ST3GAL2: variants seen among roughly 807,000 people sequenced by gnomAD.
The protein encoded by ST3GAL2 is ST3 beta-galactoside alpha-2,3-sialyltransferase 2, also known as CMP-N-acetylneuraminate-beta-galactosamide-alpha-2,3-sialyltransferase 2.
ST3GAL2 carries 16 observed loss-of-function variants against 37.5 expected under a neutral mutation model. The observed-to-expected ratio is 0.43, with a 90% CI of 0.29 to 0.65. ST3GAL2 has a LOEUF of 0.65. Ranked by LOEUF, ST3GAL2 falls within the 30% of genes least tolerant of loss-of-function variation. ST3GAL2 has a pLI of 0.17. For missense variants in ST3GAL2, 383 were observed against 487.8 expected (o/e 0.79, Z 2.02); for synonymous variants, 238 against 202.9 (o/e 1.17, Z -1.47).
chr16:70,419,899 A>G (rs930098302), intron 1 of ST3GAL2, among the ~76,000 whole-genome samples: 2 of 151,998 alleles, frequency 1.3e-5, no homozygotes, highest in South Asian at 4.1e-4. Flanking sequence ...AGGCAATATG[A>G]TGACAGCAAC....
In ST3GAL2 at chr16:70,398,535, C is replaced by T. The variant is rs373101250; in HGVS notation, c.-5G>A. On this transcript the variant is annotated 5_prime_UTR_variant, in exon 2 of 7. Transcript: ENST00000342907. ...CACCCGCAGGGAGCACTTCATGGTG[C>T]CGGCAGGCGGGTGACGGTCACCGTG... The T allele has an allele frequency of 1.0e-5, 16 of 1,588,068 alleles. No individual in the cohort carries two copies. The African/African-American group carries it at 1.9e-4, about 19-fold the overall frequency.
In ST3GAL2 at chr16:70,395,227, G is replaced by C. The variant is rs767976589; in HGVS notation, c.340-52C>G. On this transcript the variant is annotated intron_variant, in intron 2 of 6. Coordinates refer to ENST00000342907, the MANE Select transcript of ST3GAL2 (RefSeq NM_006927.4). ...ACGAGGAAGGGGAGAGGTGTGTGAA[G>C]AAGGAGGGGCCCCGGCCTCCCCTCC... The C allele has an allele frequency of 4.5e-6, 7 of 1,542,730 alleles. No individual in the cohort carries two copies. The South Asian group carries it at 8.5e-5, about 19-fold the overall frequency.
At chr16:70,400,621 G>C (rs972264985) in intron 1 of ST3GAL2, 1 of 152,326 alleles carries the variant, frequency 6.6e-6, no homozygotes, top group African/African-American at 2.4e-5. Flanking sequence ...AGCCAGCAGG[G>C]AATGGAACGA....
chr16:70,427,492 C>T lies in ST3GAL2; in HGVS notation c.-1004+11457G>A, dbSNP rs553924716. Among the ~76,000 whole-genome samples the T allele has an allele frequency of 2.4e-4, 36 of 152,230 alleles. No individual in the cohort carries two copies. The South Asian group carries it at 5.4e-3, about 23-fold the overall frequency. ...TAGCTGGGACTACAGGCCCCCGCCA[C>T]CATGCCTGGCTAATTTTTGTATTTT... On this transcript the variant is annotated intron_variant, in intron 1 of 6. Coordinates refer to ENST00000342907, the MANE Select transcript of ST3GAL2 (RefSeq NM_006927.4).
intron 3 of ST3GAL2, 51 bp from the exon 4 acceptor site, chr16:70,388,597 C>CA: frequency 6.6e-7 from 1 of 1,524,322 alleles, no homozygotes; most frequent in Non-Finnish European, 8.8e-7. Context: ...GAAACTGATA[C>CA]AAGATTCTTA....
chr16:70,433,613 T>A (rs2047805472), intron 1 of ST3GAL2, among the ~76,000 whole-genome samples: 1 of 152,006 alleles, frequency 6.6e-6, no homozygotes, highest in African/African-American at 2.4e-5. Flanking sequence ...CAAGCAGTGA[T>A]GACAAAATGA....
At chr16:70,438,758 G>A (rs1015675034) in intron 1 of ST3GAL2, among the ~76,000 whole-genome samples, 191 bp downstream of exon 1, 3 of 152,062 alleles carry the variant, frequency 2.0e-5, no homozygotes, top group Non-Finnish European at 4.4e-5. Flanking sequence ...GCGGGGATCC[G>A]GAATGAGGCC....
chr16:70,427,392 G>A (rs1011822353), intron 1 of ST3GAL2, among the ~76,000 whole-genome samples: 9 of 148,158 alleles, frequency 6.1e-5, no homozygotes, highest in African/African-American at 2.3e-4. Context: ...AGGCTGGAGT[G>A]CAGTGGTGCG....
intron 4 of ST3GAL2, among the ~76,000 whole-genome samples, chr16:70,385,219 C>T (rs1260499986): frequency 6.6e-6 from 1 of 152,098 alleles, no homozygotes; most frequent in Non-Finnish European, 1.5e-5. Context: ...GCAGGAGAAT[C>T]GCTTGAACCC....
Position 70,377,026 on chromosome 16 carries a change from C to G in ST3GAL2, c.*4663G>C, listed in dbSNP as rs2047352696. 1 of 151,748 alleles carries G rather than the reference C, an allele frequency of 6.6e-6. No individual in the cohort carries two copies. Among genetic ancestry groups the G allele is most frequent in the Admixed American group, 6.6e-5 (1 of 15,186 alleles). The allele number at this position is 151,748 out of a possible 1,614,324, so 9.4% of individuals were successfully genotyped here. ...AAAATGCTGGGATTATAGGCATGAG[C>G]CACCGTGCCTGGCCATAAAATGTTT... On this transcript the variant is annotated 3_prime_UTR_variant, in exon 7 of 7. Coordinates refer to ENST00000342907, the MANE Select transcript of ST3GAL2 (RefSeq NM_006927.4).
At chr16:70,423,842 G>A (rs1441941006) in intron 1 of ST3GAL2, among the ~76,000 whole-genome samples, 2 of 151,510 alleles carry the variant, frequency 1.3e-5, no homozygotes, top group African/African-American at 4.8e-5. Context: ...AGGCTGAGGC[G>A]GGCAGATCAC....
intron 1 of ST3GAL2, among the ~76,000 whole-genome samples, chr16:70,427,409 G>A (rs1398382280): frequency 2.0e-5 from 3 of 150,554 alleles, no homozygotes; most frequent in Non-Finnish European, 3.0e-5. Context: ...TGCGATCTCG[G>A]CTCACTGCAA....
chr16:70,424,333 G>C (rs113894107), intron 1 of ST3GAL2, among the ~76,000 whole-genome samples: 2 of 149,128 alleles, frequency 1.3e-5, no homozygotes, highest in African/African-American at 4.9e-5. Flanking sequence ...TGGGCACAAT[G>C]GCTAATGCCT....
At chr16:70,431,859 G>T (rs960002303) in intron 1 of ST3GAL2, among the ~76,000 whole-genome samples, 1 of 151,994 alleles carries the variant, frequency 6.6e-6, no homozygotes, top group Non-Finnish European at 1.5e-5. Flanking sequence ...AGCTACTCGG[G>T]AGGCTGAGGC....
chr16:70,415,762 CTTTT>C (rs1203693372), intron 1 of ST3GAL2, among the ~76,000 whole-genome samples: 6 of 115,924 alleles, frequency 5.2e-5, no homozygotes, highest in Middle Eastern at 5.4e-3. Context: ...TTCCAAGATT[CTTTT>C]TTTTTTTTTT....
At chr16:70,415,480 G>A (rs1469432635) in intron 1 of ST3GAL2, among the ~76,000 whole-genome samples, 1 of 152,184 alleles carries the variant, frequency 6.6e-6, no homozygotes, top group Non-Finnish European at 1.5e-5. Context: ...AGCCAGTCAG[G>A]AGAAGATATT....
At chr16:70,404,370 C>T (rs1343626701) in intron 1 of ST3GAL2, among the ~76,000 whole-genome samples, 1 of 152,120 alleles carries the variant, frequency 6.6e-6, no homozygotes, top group Non-Finnish European at 1.5e-5. Flanking sequence ...GAGAACTGAC[C>T]ACTGGATGGA....
At chr16:70,385,033 C>T (rs924526989) in intron 4 of ST3GAL2, among the ~76,000 whole-genome samples, 3 of 148,550 alleles carry the variant, frequency 2.0e-5, no homozygotes, top group African/African-American at 7.5e-5. Flanking sequence ...AGGCCGGGTG[C>T]GGTGGCTCCT....
rs117058272 is a variant in ST3GAL2, at chr16:70,417,494, T to C, written c.-1003-17961A>G. 2.5e-3 allele frequency among the ~76,000 whole-genome samples: 377 copies of C among 152,282 alleles called. 3 individuals are homozygous for C. Among genetic ancestry groups the C allele is most frequent in the East Asian group, 0.013 (65 of 5,190 alleles). ...CCGTAACCCCTTCCCCAGCCCCCAC[T>C]TTAGCACACCCTGCAGAGCAGAGGC... On this transcript the variant is annotated intron_variant, in intron 1 of 6. Transcript: ENST00000342907.
Sources: gnomAD v4.1 joint callset for allele counts (sites outside exome capture counted in the v4.1 genomes callset) on GRCh38, gnomAD v4.1.1 for gene constraint, MANE v1.5 for transcripts, NCBI Gene and HGNC (gene_info 2026-07-23, HGNC 2026-07-21) for gene names.